Variants in SHTN1 observed in about 807,000 individuals in gnomAD.
SHTN1 encodes shootin-1.
Under a neutral mutation model 83.1 loss-of-function variants are expected in SHTN1, and 42 were observed. The observed-to-expected ratio is 0.51, with a 90% CI of 0.39 to 0.65. SHTN1 has a LOEUF of 0.65. Ranked by LOEUF, SHTN1 falls within the 30% of genes least tolerant of loss-of-function variation. The probability of loss-of-function intolerance (pLI) is 0.00; values close to 1 mark genes in which losing one functional copy is unlikely to be tolerated. For synonymous variants in SHTN1, 224 were observed against 247.7 expected, an observed-to-expected ratio of 0.90 and a Z score of 0.90; for missense variants, 622 against 737.8, an observed-to-expected ratio of 0.84 and a Z score of 1.82.
rs983127559 is a variant in SHTN1, at chr10:116,929,251, T to C, written c.1012+598A>G. ...ACAGAGACTTACACATATGCCCGTA[T>C]AGTAATCTAACTCGCACATTCCCGT... On this transcript the variant is annotated intron_variant, in intron 10 of 16. Transcript: ENST00000355371. Among the ~76,000 whole-genome samples, 12 of 152,326 alleles carry C rather than the reference T, an allele frequency of 7.9e-5. No homozygotes were observed. The South Asian group carries it at 2.1e-3, about 26-fold the overall frequency.
chr10:116,884,052 A>G lies in SHTN1; in HGVS notation c.*2292T>C. ...GAAAAAAAATCCTCTATAGCGCACA[A>G]GACTTAATTTATCTTTCCCAAACAG... On this transcript the variant is annotated 3_prime_UTR_variant, in exon 17 of 17. Coordinates refer to ENST00000355371, the MANE Select transcript of SHTN1 (RefSeq NM_001127211.3). 1 of 319,972 alleles carries G rather than the reference A, an allele frequency of 3.1e-6. No individual in the cohort carries two copies. The highest frequency in any genetic ancestry group is 2.5e-5 in the South Asian group (1 of 39,816). The allele number at this position is 319,972 out of a possible 1,614,324, so 19.8% of individuals were successfully genotyped here. A position where few individuals can be genotyped will look rare whatever the true frequency, so the allele number is the denominator to read the frequency against.
intron 2 of SHTN1, among the ~76,000 whole-genome samples, chr10:116,969,458 A>C (rs1209231712): frequency 6.6e-6 from 1 of 152,194 alleles, no homozygotes; most frequent in South Asian, 2.1e-4. Context: ...AGACTACTGC[A>C]TGAGGGCAAA....
upstream of SHTN1, chr10:117,005,545 C>G (rs927807488): frequency 7.0e-6 from 7 of 1,002,284 alleles, no homozygotes; most frequent in African/African-American, 1.2e-4. Flanking sequence ...GGGGTCGCTC[C>G]CAAAGAACCA....
At position 116,886,504 on chromosome 10, in the gene SHTN1, A is replaced by G. The variant is rs1403422790; in HGVS notation, c.1736T>C (p.Val579Ala). ...TGTAGAAACAGGATCTAAAACTACAACTGGTTCGGCTTGTTTTTCACCGTC... is the reference window on the plus strand; with the variant it reads ...TGTAGAAACAGGATCTAAAACTACAGCTGGTTCGGCTTGTTTTTCACCGTC... ...YIDGEKQAEP[V>A]VVLDPVSTHE... The change falls in exon 17 of 17, where the codon GTT becomes GCT. Residue 579 changes from valine (V) to alanine (A), a missense_variant. Val to Ala is a moderately conservative substitution (Grantham distance 64). Coordinates refer to ENST00000355371, the MANE Select transcript of SHTN1 (RefSeq NM_001127211.3). 2.5e-6 allele frequency: 4 copies of G among 1,614,136 alleles called. No homozygotes were observed. The highest frequency in any genetic ancestry group is 3.4e-6 in the Non-Finnish European group (4 of 1,180,022).
chr10:117,111,288 A>ATTTCTTTC (rs1004599733), intron 1 of SHTN1, among the ~76,000 whole-genome samples: 1 of 151,388 alleles, frequency 6.6e-6, no homozygotes, highest in Non-Finnish European at 1.5e-5. Context: ...AAGAATGTGC[A>ATTTCTTTC]TTTCTTTCTT....
At chr10:116,924,881 C>A (rs1848688317) in intron 11 of SHTN1, among the ~76,000 whole-genome samples, 1 of 151,706 alleles carries the variant, frequency 6.6e-6, no homozygotes, top group Non-Finnish European at 1.5e-5. Context: ...CCTCAGCCTC[C>A]CAAGTGGCTG....
intron 10 of SHTN1, 49 bp downstream of exon 10, chr10:116,929,800 T>G: frequency 7.5e-7 from 1 of 1,337,396 alleles, no homozygotes; most frequent in Non-Finnish European, 1.0e-6. Context: ...TAGGCATGAG[T>G]AATTCAAAGA....
intron 1 of SHTN1, among the ~76,000 whole-genome samples, chr10:117,055,430 G>T (rs1055767648): frequency 6.6e-6 from 1 of 152,180 alleles, no homozygotes; most frequent in African/African-American, 2.4e-5. Flanking sequence ...TAACACCAGG[G>T]TTGAAGAGGA....
At chr10:117,084,206 T>C (rs1176114982) in intron 1 of SHTN1, among the ~76,000 whole-genome samples, 2 of 151,944 alleles carry the variant, frequency 1.3e-5, no homozygotes, top group Admixed American at 6.6e-5. Flanking sequence ...ATGATGGTGA[T>C]GTACAGATGG....
intron 3 of SHTN1, among the ~76,000 whole-genome samples, chr10:116,964,998 T>C (rs952776790): frequency 6.6e-6 from 1 of 152,128 alleles, no homozygotes; most frequent in Non-Finnish European, 1.5e-5. Context: ...TAAAAAGATA[T>C]GAAAGGTCTT....
chr10:117,027,933 T>C (rs1272779213), intron 2 of SHTN1, among the ~76,000 whole-genome samples: 1 of 152,082 alleles, frequency 6.6e-6, no homozygotes, highest in Non-Finnish European at 1.5e-5. Context: ...TTGGAAGAGT[T>C]TGGAGGGCTC....
At chr10:117,010,483 T>C (rs1852087962), upstream of SHTN1, among the ~76,000 whole-genome samples, 3 of 152,184 alleles carry the variant, frequency 2.0e-5, no homozygotes, top group South Asian at 4.1e-4. Flanking sequence ...ATGTCTTTCC[T>C]GGTGAATTCT....
At chr10:116,972,805 T>C (rs952530955) in intron 2 of SHTN1, among the ~76,000 whole-genome samples, 2 of 152,238 alleles carry the variant, frequency 1.3e-5, no homozygotes, top group African/African-American at 4.8e-5. Flanking sequence ...TGCTGGCTCA[T>C]GTAAGCAAGC....
At chr10:116,989,220 A>G (rs1851330575) in intron 1 of SHTN1, among the ~76,000 whole-genome samples, 1 of 152,200 alleles carries the variant, frequency 6.6e-6, no homozygotes, top group Non-Finnish European at 1.5e-5. Flanking sequence ...AATATCTTAC[A>G]TTAGTATGGT....
At chr10:116,899,154 A>T (rs1847629863) in intron 16 of SHTN1, among the ~76,000 whole-genome samples, 1 of 152,180 alleles carries the variant, frequency 6.6e-6, no homozygotes, top group Admixed American at 6.5e-5. Context: ...ACAGGAAAAA[A>T]TTCTTACCCT....
intron 1 of SHTN1, among the ~76,000 whole-genome samples, chr10:117,075,088 A>T (rs1853133434): frequency 6.6e-6 from 1 of 152,212 alleles, no homozygotes; most frequent in Non-Finnish European, 1.5e-5. Flanking sequence ...TAAAACATGG[A>T]AACTGTACTA....
intron 3 of SHTN1, among the ~76,000 whole-genome samples, chr10:116,965,354 T>TA (rs1431526768): frequency 6.6e-6 from 1 of 152,008 alleles, no homozygotes. Flanking sequence ...CCATCTCTAC[T>TA]AAAAATACAA....
At chr10:116,963,475 TG>T (rs913598645) in intron 3 of SHTN1, among the ~76,000 whole-genome samples, 1 of 152,108 alleles carries the variant, frequency 6.6e-6, no homozygotes, top group African/African-American at 2.4e-5. Context: ...CCACTGTACT[TG>T]TCATATTTGC....
chr10:116,948,863 C>A, intron 7 of SHTN1, 53 bp downstream of exon 7: 1 of 1,259,342 alleles, frequency 7.9e-7, no homozygotes, highest in Non-Finnish European at 1.1e-6. Context: ...ACAATATATG[C>A]AAACAGAACA....
Sources: gnomAD v4.1 joint callset for allele counts (sites outside exome capture counted in the v4.1 genomes callset) on GRCh38, gnomAD v4.1.1 for gene constraint, MANE v1.5 for transcripts, NCBI Gene and HGNC (gene_info 2026-07-23, HGNC 2026-07-21) for gene names.